The following OSBP2 variants were observed in gnomAD, a reference collection of about 807,000 sequenced individuals.
The protein encoded by OSBP2 is oxysterol-binding protein 2.
OSBP2 carries 66 observed loss-of-function variants against 96.0 expected under a neutral mutation model. That is an observed-to-expected ratio of 0.69 (90% CI 0.56 to 0.84). The LOEUF is 0.84. Ranked by LOEUF, OSBP2 falls within the 40% of genes least tolerant of loss-of-function variation. The pLI is 0.00. For synonymous variants in OSBP2, 525 were observed against 520.9 expected (o/e 1.01, Z -0.11); for missense variants, 1,038 against 1,222.7 (o/e 0.85, Z 2.25).
At chr22:30,887,990 A>AT (rs749980381) in intron 4 of OSBP2, among the ~76,000 whole-genome samples, 192 of 152,248 alleles carry the variant, frequency 1.3e-3, no homozygotes, top group Non-Finnish European at 2.1e-3. Context: ...ATGTTGAGAG[A>AT]TCGGGGGGGC....
chr22:30,880,382 C>T (rs779272607), intron 3 of OSBP2, among the ~76,000 whole-genome samples: 26 of 152,254 alleles, frequency 1.7e-4, no homozygotes, highest in Admixed American at 9.8e-4. Flanking sequence ...GATAAGAACA[C>T]GGCCCTTTCT....
intron 2 of OSBP2, among the ~76,000 whole-genome samples, chr22:30,773,606 G>A (rs1222475612): frequency 6.6e-6 from 1 of 152,114 alleles, no homozygotes; most frequent in African/African-American, 2.4e-5. Flanking sequence ...ATTATTTGTT[G>A]GAGGAATGGG....
intron 5 of OSBP2, 41 bp downstream of exon 5, chr22:30,888,381 T>G (rs763283871): frequency 1.7e-6 from 2 of 1,184,196 alleles, no homozygotes; most frequent in Non-Finnish European, 1.3e-6. Flanking sequence ...CCCACCCTGG[T>G]CTTAGGCTGC....
At chr22:30,829,188 G>A (rs899423227) in intron 2 of OSBP2, among the ~76,000 whole-genome samples, 2 of 152,196 alleles carry the variant, frequency 1.3e-5, no homozygotes, top group Non-Finnish European at 2.9e-5. Context: ...TTCATTTGGC[G>A]TTCACGGGTT....
intron 1 of OSBP2, among the ~76,000 whole-genome samples, chr22:30,698,604 A>T (rs1312874229): frequency 6.6e-6 from 1 of 151,564 alleles, no homozygotes; most frequent in Non-Finnish European, 1.5e-5. Flanking sequence ...ACGCCTGGCT[A>T]ATTTTTTGTA....
rs1569100787 is a variant in OSBP2 at position 30,730,809 on chromosome 22, A to ATATATATATATTAT, written c.645-10351_645-10350insATATATATATTATT. On this transcript the variant is annotated intron_variant, in intron 1 of 13. Coordinates refer to ENST00000332585, the MANE Select transcript of OSBP2 (RefSeq NM_030758.4). Reference sequence around the variant, plus strand: ...ATATATATATATATATATATATATAATTTTTTTTTTTTTTCCCATGGACAT... The same window carrying ATATATATATATTAT: ...ATATATATATATATATATATATATAATATATATATATTATTTTTTTTTTTTTTTCCCATGGACAT... Among the ~76,000 whole-genome samples the ATATATATATATTAT allele has an allele frequency of 1.6e-3, 33 of 21,264 alleles. 2 individuals are homozygous for ATATATATATATTAT. The highest frequency in any genetic ancestry group is 2.5e-3 in the East Asian group (2 of 804). The allele number at this position is 21,264 out of a possible 152,430, so 14.0% of individuals were successfully genotyped here. A position where few individuals can be genotyped will look rare whatever the true frequency, so the allele number is the denominator to read the frequency against.
intron 12 of OSBP2, among the ~76,000 whole-genome samples, chr22:30,901,338 G>A (rs5753379): frequency 0.32 from 49,276 of 151,834 alleles, 8,492 homozygotes; most frequent in East Asian, 0.55. Flanking sequence ...CAAAGTGCTG[G>A]GATTACAGGC....
chr22:30,759,361 A>G (rs1419401187), intron 2 of OSBP2, among the ~76,000 whole-genome samples: 4 of 152,178 alleles, frequency 2.6e-5, no homozygotes, highest in Non-Finnish European at 4.4e-5. Flanking sequence ...TAGTACTGCA[A>G]AGGCTTTGAA....
chr22:30,830,338 T>G (rs1238307610), intron 2 of OSBP2, among the ~76,000 whole-genome samples: 2 of 152,182 alleles, frequency 1.3e-5, no homozygotes, highest in Non-Finnish European at 2.9e-5. Flanking sequence ...CTGGGTGGTG[T>G]GTCAAGGCGG....
At chr22:30,730,738 C>CTCTG (rs1397944832) in intron 1 of OSBP2, among the ~76,000 whole-genome samples, 5 of 35,194 alleles carry the variant, frequency 1.4e-4, no homozygotes, top group Admixed American at 3.4e-4. Flanking sequence ...CTCTCTCTCT[C>CTCTG]TCTCTCTCTC....
chr22:30,864,481 C>T (rs997763010), intron 2 of OSBP2, among the ~76,000 whole-genome samples: 2 of 152,216 alleles, frequency 1.3e-5, no homozygotes, highest in African/African-American at 4.8e-5. Flanking sequence ...ACGAAGGGTG[C>T]AGGGTCTCTG....
intron 1 of OSBP2, among the ~76,000 whole-genome samples, chr22:30,740,097 G>A (rs1348107384): frequency 2.0e-5 from 3 of 152,076 alleles, no homozygotes; most frequent in Non-Finnish European, 4.4e-5. Context: ...TGCCCATCTC[G>A]GCCTCCCAAA....
At chr22:30,854,796 C>T (rs1449002778) in intron 2 of OSBP2, among the ~76,000 whole-genome samples, 10 of 152,124 alleles carry the variant, frequency 6.6e-5, no homozygotes, top group Non-Finnish European at 1.3e-4. Context: ...TCTGTTCTCA[C>T]GCTGCTAATA....
intron 2 of OSBP2, among the ~76,000 whole-genome samples, chr22:30,806,872 C>T (rs1046834475): frequency 2.0e-5 from 3 of 152,100 alleles, no homozygotes; most frequent in African/African-American, 4.8e-5. Context: ...TTCCATTTCC[C>T]GGGTGATGAG....
rs536708538 is a variant in OSBP2, at chr22:30,903,658, G to T, written c.2376-2179G>T. Among the ~76,000 whole-genome samples the T allele has an allele frequency of 2.6e-5, 4 of 152,370 alleles. No homozygotes were observed. The South Asian group carries it at 8.3e-4, about 32-fold the overall frequency. On this transcript the variant is annotated intron_variant, in intron 12 of 13. Coordinates refer to ENST00000332585, the MANE Select transcript of OSBP2 (RefSeq NM_030758.4). Reference sequence around the variant, plus strand: ...GCCAGCTGCAGTGAATGGCCAGCGGGTTTCTTTTCTCCTGGGCCAAGGCAC... The same window carrying T: ...GCCAGCTGCAGTGAATGGCCAGCGGTTTTCTTTTCTCCTGGGCCAAGGCAC...
At chr22:30,876,235 C>T (rs1364421734) in intron 3 of OSBP2, among the ~76,000 whole-genome samples, 1 of 152,248 alleles carries the variant, frequency 6.6e-6, no homozygotes, top group Non-Finnish European at 1.5e-5. Context: ...TCTGCTCTGG[C>T]CAGGATGGGG....
intron 2 of OSBP2, among the ~76,000 whole-genome samples, chr22:30,837,676 G>C (rs1042511826): frequency 2.0e-5 from 3 of 152,184 alleles, no homozygotes; most frequent in African/African-American, 7.2e-5. Flanking sequence ...TTTGCCAGCT[G>C]CTGAGGCTGC....
chr22:30,896,467 T>C (rs759294142), intron 12 of OSBP2, among the ~76,000 whole-genome samples: 6 of 152,146 alleles, frequency 3.9e-5, no homozygotes, highest in Non-Finnish European at 7.4e-5. Context: ...AAATGCTAAG[T>C]TCTTATTGGA....
At chr22:30,863,970 T>G (rs990455189) in intron 2 of OSBP2, among the ~76,000 whole-genome samples, 15 of 151,818 alleles carry the variant, frequency 9.9e-5, no homozygotes, top group Non-Finnish European at 1.6e-4. Context: ...ATGTTTTTTT[T>G]TTGTTGTTTT....
Sources: allele counts gnomAD v4.1 joint callset (sites outside exome capture counted in the v4.1 genomes callset), GRCh38; gene constraint gnomAD v4.1.1; transcripts MANE v1.5; gene names NCBI Gene and HGNC (gene_info 2026-07-23, HGNC 2026-07-21).